The following PRR16 variants were observed in gnomAD, a reference collection of about 807,000 sequenced individuals.
PRR16 encodes protein Largen.
Under a neutral mutation model 18.2 loss-of-function variants are expected in PRR16, and 6 were observed. The ratio of observed to expected loss-of-function variants is 0.33; its 90% CI spans 0.18 to 0.65. The LOEUF (loss-of-function observed/expected upper bound fraction) is 0.65. Among genes scored for constraint, PRR16 ranks in the 30% least tolerant of loss-of-function variants. PRR16 has a pLI of 0.74. For missense variants in PRR16, 412 were observed against 376.6 expected (o/e 1.09, Z -0.78); for synonymous variants, 151 against 147.8 (o/e 1.02, Z -0.16).
intron 1 of PRR16, among the ~76,000 whole-genome samples, chr5:120,596,182 C>T (rs1020978807): frequency 4.7e-5 from 7 of 147,978 alleles, no homozygotes; most frequent in Middle Eastern, 3.4e-3. Flanking sequence ...GATCAATTTA[C>T]TTATACAATC....
At chr5:120,528,322 A>T (rs1174488244) in intron 1 of PRR16, among the ~76,000 whole-genome samples, 1 of 152,174 alleles carries the variant, frequency 6.6e-6, no homozygotes, top group Non-Finnish European at 1.5e-5. Flanking sequence ...AGTCAGGTGA[A>T]GTGTGGTAGA....
intron 1 of PRR16, among the ~76,000 whole-genome samples, chr5:120,573,131 A>T (rs565557505): frequency 3.5e-4 from 54 of 152,298 alleles, no homozygotes; most frequent in African/African-American, 1.2e-3. Context: ...GGCCATGGGC[A>T]TTTGCATCAG....
At chr5:120,642,663 A>T (rs62377785) in intron 1 of PRR16, among the ~76,000 whole-genome samples, 68,023 of 151,894 alleles carry the variant, frequency 0.45, 15,846 homozygotes, top group Middle Eastern at 0.57. Flanking sequence ...TTATCATACC[A>T]CTTTCTGAAC....
At chr5:120,782,857 C>G in the PRR16 span, among the ~76,000 whole-genome samples, 2 of 152,082 alleles carry the variant, frequency 1.3e-5, no homozygotes, top group Non-Finnish European at 2.9e-5. Context: ...AAGGGCAATT[C>G]TGAAGTGCAT....
At chr5:120,578,168 T>C (rs1373336753) in intron 1 of PRR16, among the ~76,000 whole-genome samples, 1 of 152,218 alleles carries the variant, frequency 6.6e-6, no homozygotes, top group Non-Finnish European at 1.5e-5. Context: ...TAATATGCTG[T>C]GCATAAATTT....
chr5:120,615,419 T>G lies in PRR16; in HGVS notation c.160-70535T>G, dbSNP rs796238272. The stretch of plus-strand genomic sequence containing the variant: ...TTTTTTTTTGATAAAATTTTTTTTT[T>G]GGGAGAGTGGAGGTGGATACAGAGA... On this transcript the variant is annotated intron_variant, in intron 1 of 1. Transcript: ENST00000407149. Among the ~76,000 whole-genome samples the G allele has an allele frequency of 1.5e-3, 230 of 150,198 alleles. 1 individual carries two copies. The highest frequency in any genetic ancestry group is 3.4e-3 in the Middle Eastern group (1 of 294).
At chr5:120,630,754 A>G (rs1368921286) in intron 1 of PRR16, among the ~76,000 whole-genome samples, 1 of 152,056 alleles carries the variant, frequency 6.6e-6, no homozygotes, top group East Asian at 1.9e-4. Context: ...GTCAACCCCA[A>G]ATTGTTTAGT....
At chr5:120,506,180 T>C (rs1750640402) in intron 1 of PRR16, among the ~76,000 whole-genome samples, 1 of 152,052 alleles carries the variant, frequency 6.6e-6, no homozygotes, top group African/African-American at 2.4e-5. Context: ...ACATGAGTTC[T>C]CATTGAGTTA....
At chr5:120,505,142 C>T (rs1195050234) in intron 1 of PRR16, among the ~76,000 whole-genome samples, 1 of 152,126 alleles carries the variant, frequency 6.6e-6, no homozygotes, top group East Asian at 1.9e-4. Flanking sequence ...TCTTTCTTCT[C>T]CCTTTCCAAA....
chr5:120,521,447 G>T (rs1007991427), intron 1 of PRR16, among the ~76,000 whole-genome samples: 1 of 151,988 alleles, frequency 6.6e-6, no homozygotes, highest in Admixed American at 6.6e-5. Flanking sequence ...ATATGTATAA[G>T]ATTAGAACTA....
chr5:120,609,321 C>T (rs1561572165), intron 1 of PRR16, among the ~76,000 whole-genome samples: 4 of 151,996 alleles, frequency 2.6e-5, no homozygotes, highest in Non-Finnish European at 5.9e-5. Context: ...ATTTTTATCA[C>T]CCCAGACAAA....
At chr5:120,614,255 A>G (rs1253261332) in intron 1 of PRR16, among the ~76,000 whole-genome samples, 1 of 152,204 alleles carries the variant, frequency 6.6e-6, no homozygotes, top group African/African-American at 2.4e-5. Context: ...TACTCAAGTT[A>G]TGTTCTCATA....
chr5:120,603,069 T>C (rs1240448538), intron 1 of PRR16, among the ~76,000 whole-genome samples: 1 of 152,068 alleles, frequency 6.6e-6, no homozygotes, highest in Admixed American at 6.6e-5. Flanking sequence ...AGAATGATAA[T>C]GGCTTCATAG....
intron 1 of PRR16, among the ~76,000 whole-genome samples, chr5:120,643,650 C>T (rs138020627): frequency 7.8e-4 from 119 of 152,122 alleles, no homozygotes; most frequent in African/African-American, 2.5e-3. Flanking sequence ...AGGTCATCTC[C>T]GTTCCAGATA....
chr5:120,696,829 A>T, the PRR16 span, among the ~76,000 whole-genome samples: 1 of 152,246 alleles, frequency 6.6e-6, no homozygotes, highest in Non-Finnish European at 1.5e-5. Flanking sequence ...TGCATATGTT[A>T]AATAGCTCAA....
chr5:120,779,588 A>G, the PRR16 span, among the ~76,000 whole-genome samples: 4 of 152,148 alleles, frequency 2.6e-5, no homozygotes. Context: ...AAAATGACAC[A>G]GTATTCTGGT....
chr5:120,752,721 A>T, the PRR16 span, among the ~76,000 whole-genome samples: 1 of 152,002 alleles, frequency 6.6e-6, no homozygotes, highest in African/African-American at 2.4e-5. Flanking sequence ...ATTTGGTTAT[A>T]AGTTTCTATT....
chr5:120,636,583 T>C (rs1024481860), intron 1 of PRR16, among the ~76,000 whole-genome samples: 2 of 152,136 alleles, frequency 1.3e-5, no homozygotes, highest in African/African-American at 2.4e-5. Flanking sequence ...TAGCCACATG[T>C]AGAAGAATGA....
At chr5:120,530,285 T>TATATATATA (rs375750842) in intron 1 of PRR16, among the ~76,000 whole-genome samples, 986 of 83,722 alleles carry the variant, frequency 0.012, 7 homozygotes, top group African/African-American at 0.032. Flanking sequence ...ATATATATAT[T>TATATATATA]TATTTATTTA....
Sources: allele counts gnomAD v4.1 joint callset (sites outside exome capture counted in the v4.1 genomes callset), GRCh38; gene constraint gnomAD v4.1.1; transcripts MANE v1.5; gene names NCBI Gene and HGNC (gene_info 2026-07-23, HGNC 2026-07-21).